EML4: variants seen among roughly 807,000 people sequenced by gnomAD.
EML4 encodes echinoderm microtubule-associated protein-like 4.
A neutral mutation model predicts 129.0 loss-of-function variants in EML4; 72 were observed. The observed-to-expected ratio is 0.56, with a 90% CI of 0.46 to 0.68. The LOEUF is 0.68. Ranked by LOEUF, EML4 falls within the 30% of genes least tolerant of loss-of-function variation. The pLI is 0.00. For missense variants in EML4, 1,363 were observed against 1,190.6 expected (o/e 1.14, Z -2.13); for synonymous variants, 532 against 405.0 (o/e 1.31, Z -3.77).
At chr2:42,245,029 T>C (rs2104296905) in intron 1 of EML4, among the ~76,000 whole-genome samples, 1 of 151,686 alleles carries the variant, frequency 6.6e-6, no homozygotes, top group African/African-American at 2.4e-5. Flanking sequence ...TAAAAGTCTT[T>C]ATAGAAGTTA....
In EML4 at chr2:42,330,753, C is replaced by T. The variant is rs1330014112; in HGVS notation, c.*546C>T. On this transcript the variant is annotated 3_prime_UTR_variant, in exon 23 of 23. Coordinates refer to ENST00000318522, the MANE Select transcript of EML4 (RefSeq NM_019063.5). The stretch of plus-strand genomic sequence containing the variant: ...AGTTTTGCCAAGTGCAATGGTGTTG[C>T]CTTCTTTAAAAAATGCCGTTTTCTT... 4 of 220,486 alleles carry T rather than the reference C, an allele frequency of 1.8e-5. No homozygotes were observed. Among genetic ancestry groups the T allele is most frequent in the Non-Finnish European group, 2.8e-5 (3 of 108,454 alleles). 13.7% of individuals were successfully genotyped at this position (220,486 alleles called of 1,614,324 possible).
In EML4 at chr2:42,187,676, TAA is replaced by T. The variant is rs1553359621; in HGVS notation, c.25+18048_25+18049del. On this transcript the variant is annotated intron_variant, in intron 1 of 22. Coordinates refer to ENST00000318522, the MANE Select transcript of EML4 (RefSeq NM_019063.5). ...TCTCCTATTTGGTGCTCATTTTTTT[TAA>T]AAAAAAATGGTTGCCTTAAGTTTTG... Among the ~76,000 whole-genome samples, 1,330 of 152,060 alleles carry T rather than the reference TAA, an allele frequency of 8.7e-3. 6 individuals carry two copies. Among genetic ancestry groups the T allele is most frequent in the African/African-American group, 0.022 (915 of 41,504 alleles).
chr2:42,177,968 T>C (rs1670701773), intron 1 of EML4, among the ~76,000 whole-genome samples: 2 of 152,202 alleles, frequency 1.3e-5, no homozygotes, highest in Admixed American at 1.3e-4. Flanking sequence ...GAAAGATACA[T>C]TTTTAGTGGC....
intron 6 of EML4, 31 bp from the exon 7 acceptor site, chr2:42,280,819 A>G (rs781175310): frequency 1.9e-6 from 3 of 1,569,560 alleles, no homozygotes; most frequent in South Asian, 1.2e-5. Context: ...GAAAATACGT[A>G]TGACTTAACT....
At chr2:42,176,497 T>C (rs1023829684) in intron 1 of EML4, among the ~76,000 whole-genome samples, 4 of 152,238 alleles carry the variant, frequency 2.6e-5, no homozygotes, top group African/African-American at 9.6e-5. Context: ...CTCTTTCTAC[T>C]GTCTTACCAT....
intron 1 of EML4, among the ~76,000 whole-genome samples, chr2:42,178,091 A>G (rs1670711961): frequency 6.6e-6 from 1 of 152,236 alleles, no homozygotes; most frequent in Non-Finnish European, 1.5e-5. Context: ...TAGAATCTGA[A>G]TATAATTAGA....
At chr2:42,184,913 G>A (rs888889039) in intron 1 of EML4, among the ~76,000 whole-genome samples, 1 of 152,170 alleles carries the variant, frequency 6.6e-6, no homozygotes, top group African/African-American at 2.4e-5. Flanking sequence ...CTTTTGAGTG[G>A]TAACTGCTCT....
At chr2:42,181,988 G>C in intron 1 of EML4, among the ~76,000 whole-genome samples, 1 of 152,124 alleles carries the variant, frequency 6.6e-6, no homozygotes, top group Middle Eastern at 3.2e-3. Flanking sequence ...TTTTACAACA[G>C]CGTAGGGTTA....
Position 42,331,058 on chromosome 2 carries a change from C to T in EML4, c.*851C>T, listed in dbSNP as rs1484634982. ...AAAACCACATGCCTTTAAAACTAAACTGTAATAATTACCTGGCTAATTTCA... is the reference window on the plus strand; with the variant it reads ...AAAACCACATGCCTTTAAAACTAAATTGTAATAATTACCTGGCTAATTTCA... On this transcript the variant is annotated 3_prime_UTR_variant, in exon 23 of 23. Transcript: ENST00000318522. The T allele has an allele frequency of 4.6e-6, 1 of 216,870 alleles. No homozygotes were observed. The highest frequency in any genetic ancestry group is 2.3e-5 in the African/African-American group (1 of 44,416). 13.4% of individuals were successfully genotyped at this position (216,870 alleles called of 1,614,324 possible).
intron 1 of EML4, among the ~76,000 whole-genome samples, chr2:42,201,820 G>C (rs900398796): frequency 6.6e-6 from 1 of 151,754 alleles, no homozygotes. Context: ...GGTGGCTCAG[G>C]CCTGTAATCC....
chr2:42,311,445 T>G (rs1350233205), intron 17 of EML4, among the ~76,000 whole-genome samples: 2 of 151,922 alleles, frequency 1.3e-5, no homozygotes, highest in Non-Finnish European at 2.9e-5. Context: ...CCCAGCTACT[T>G]GGGAGGCTAA....
chr2:42,194,492 G>A (rs1422881548), intron 1 of EML4, among the ~76,000 whole-genome samples: 4 of 150,720 alleles, frequency 2.7e-5, no homozygotes, highest in Non-Finnish European at 5.9e-5. Flanking sequence ...TTTTGATTGA[G>A]TAGGACTTTT....
intron 17 of EML4, among the ~76,000 whole-genome samples, chr2:42,310,024 T>G (rs1668845619): frequency 6.6e-6 from 1 of 152,250 alleles, no homozygotes; most frequent in Non-Finnish European, 1.5e-5. Flanking sequence ...TATGGCCCAG[T>G]AGGTGTCCAA....
Position 42,309,987 on chromosome 2 carries a change from T to G in EML4, c.1967+5436T>G, listed in dbSNP as rs1668842675. On this transcript the variant is annotated intron_variant, in intron 17 of 22. Transcript: ENST00000318522. ...TAGCTCTTACCTTTAGGTCTCCAAT[T>G]CGTCTTGAGTTAATCTTCATATATA... 2.6e-5 allele frequency among the ~76,000 whole-genome samples: 4 copies of G among 152,246 alleles called. No homozygotes were observed. The South Asian group carries it at 8.3e-4, about 31-fold the overall frequency.
At chr2:42,318,006 C>G (rs1669333171) in intron 19 of EML4, among the ~76,000 whole-genome samples, 1 of 152,154 alleles carries the variant, frequency 6.6e-6, no homozygotes, top group Non-Finnish European at 1.5e-5. Flanking sequence ...CTACTTCTGC[C>G]TTAATTGGGT....
intron 15 of EML4, 26 bp downstream of exon 15, chr2:42,303,255 A>T: frequency 1.2e-6 from 2 of 1,614,024 alleles, no homozygotes; most frequent in Non-Finnish European, 1.7e-6. Flanking sequence ...TTAACCGTTA[A>T]CTGAATATTT....
At position 42,286,084 on chromosome 2, in the gene EML4, T is replaced by C. The variant is rs576435835; in HGVS notation, c.1012-185T>C. 15 of 628,676 alleles carry C rather than the reference T, an allele frequency of 2.4e-5. No individual in the cohort carries two copies. The South Asian group carries it at 2.9e-4, about 12-fold the overall frequency. 38.9% of individuals were successfully genotyped at this position (628,676 alleles called of 1,614,324 possible). The stretch of plus-strand genomic sequence containing the variant: ...TAAATACACAAGTTATTTGCTGCTA[T>C]TTTCTTATTTTCACAGTATAAGAAA... On this transcript the variant is annotated intron_variant, in intron 9 of 22. Transcript: ENST00000318522.
chr2:42,184,482 C>G (rs1671131110), intron 1 of EML4, among the ~76,000 whole-genome samples: 1 of 149,838 alleles, frequency 6.7e-6, no homozygotes. Flanking sequence ...GAGATAAACT[C>G]TAGTATGGTG....
chr2:42,183,278 A>C (rs1207700830), intron 1 of EML4, among the ~76,000 whole-genome samples: 1 of 152,216 alleles, frequency 6.6e-6, no homozygotes, highest in African/African-American at 2.4e-5. Context: ...CCCTGCTCTC[A>C]TGAAGCTTGT....
Sources: allele counts gnomAD v4.1 joint callset (sites outside exome capture counted in the v4.1 genomes callset), GRCh38; gene constraint gnomAD v4.1.1; transcripts MANE v1.5; gene names NCBI Gene and HGNC (gene_info 2026-07-23, HGNC 2026-07-21).